PCDHGB4: variants seen among roughly 807,000 people sequenced by gnomAD.
The protein encoded by PCDHGB4 is protocadherin gamma-B4.
In PCDHGB4, 38 loss-of-function variants were observed where a neutral mutation model predicts 60.5. The observed-to-expected ratio is 0.63, with a 90% CI of 0.48 to 0.82. PCDHGB4 has a LOEUF of 0.82. Ranked by LOEUF, PCDHGB4 falls within the 40% of genes least tolerant of loss-of-function variation. PCDHGB4 has a pLI of 0.00. For missense variants in PCDHGB4, 1,109 were observed against 1,209.6 expected (o/e 0.92, Z 1.23); for synonymous variants, 456 against 509.7 (o/e 0.89, Z 1.42).
chr5:141,499,551 A>T (rs1178321389), intron 2 of PCDHGB4, among the ~76,000 whole-genome samples: 1 of 152,200 alleles, frequency 6.6e-6, no homozygotes, highest in Non-Finnish European at 1.5e-5. Flanking sequence ...AACCTGTATG[A>T]TACCACTATC....
At chr5:141,422,926 GC>G in intron 1 of PCDHGB4, 1 of 1,614,230 alleles carries the variant, frequency 6.2e-7, no homozygotes, top group Non-Finnish European at 8.5e-7. Flanking sequence ...CCTGTACCCT[GC>G]CCTCCCCACA....
chr5:141,402,785 CG>C, intron 1 of PCDHGB4: 1 of 904,572 alleles, frequency 1.1e-6, no homozygotes, highest in South Asian at 2.1e-5. Context: ...TCCAGTTCTG[CG>C]GCTACACAAA....
chr5:141,509,577 C>G (rs569743928), intron 3 of PCDHGB4, among the ~76,000 whole-genome samples: 2 of 152,320 alleles, frequency 1.3e-5, no homozygotes, highest in African/African-American at 2.4e-5. Context: ...ACAGTGCGTA[C>G]AAATCAGCTG....
chr5:141,393,881 G>A (rs1003319572), intron 1 of PCDHGB4: 33 of 1,613,978 alleles, frequency 2.0e-5, no homozygotes, highest in Non-Finnish European at 2.8e-5. Context: ...TTAGCCCAGT[G>A]TTAGAAAATT....
intron 1 of PCDHGB4, chr5:141,394,839 G>A (rs1190397731): frequency 6.2e-7 from 1 of 1,613,834 alleles, no homozygotes; most frequent in Non-Finnish European, 8.5e-7. Context: ...GACCGAGTTG[G>A]GCAGTCTGAA....
At chr5:141,420,634 G>A (rs891111955) in intron 1 of PCDHGB4, among the ~76,000 whole-genome samples, 2 of 152,080 alleles carry the variant, frequency 1.3e-5, no homozygotes, top group African/African-American at 4.8e-5. Context: ...CTCAATAAAG[G>A]AACCTTGTAA....
intron 1 of PCDHGB4, chr5:141,393,878 A>C: frequency 1.9e-6 from 3 of 1,614,022 alleles, no homozygotes; most frequent in Non-Finnish European, 2.5e-6. Context: ...TGTTTAGCCC[A>C]GTGTTAGAAA....
chr5:141,455,533 T>C (rs1232689740), intron 1 of PCDHGB4, among the ~76,000 whole-genome samples: 1 of 152,134 alleles, frequency 6.6e-6, no homozygotes, highest in African/African-American at 2.4e-5. Flanking sequence ...TGACCAGGCA[T>C]ATCATTCACG....
intron 1 of PCDHGB4, among the ~76,000 whole-genome samples, chr5:141,437,811 C>A (rs964885701): frequency 6.6e-6 from 1 of 150,864 alleles, no homozygotes; most frequent in African/African-American, 2.4e-5. Flanking sequence ...TATCTTGGCT[C>A]ACTGCAACCT....
At position 141,414,719 on chromosome 5, in the gene PCDHGB4, C is replaced by T. The variant is rs1361757630; in HGVS notation, c.2397+24438C>T. On this transcript the variant is annotated intron_variant, in intron 1 of 3. Transcript: ENST00000519479. ...TCATACATATCCATCAACTCAGACA[C>T]TGGCGTCCTGTATGCACTCAGATCC... The T allele has an allele frequency of 1.2e-6, 2 of 1,614,050 alleles. No individual in the cohort carries two copies. Among genetic ancestry groups the T allele is most frequent in the African/African-American group, 1.3e-5 (1 of 74,934 alleles).
rs1258752203 is a variant in PCDHGB4, at chr5:141,431,160, G to C, written c.2397+40879G>C. On this transcript the variant is annotated intron_variant, in intron 1 of 3. Coordinates refer to ENST00000519479, the MANE Select transcript of PCDHGB4 (RefSeq NM_003736.4). The surrounding 1 kb of genome is among the most constrained non-coding windows in gnomAD (Gnocchi z 4.8). ...ATTAACGACAATGCGCCTTACTTTC[G>C]TGAAAGTGAATTAGAAATAAAAATT... is the stretch of plus-strand genomic sequence containing the variant. The C allele has an allele frequency of 6.2e-7, 1 of 1,614,198 alleles. No homozygotes were observed. Among genetic ancestry groups the C allele is most frequent in the South Asian group, 1.1e-5 (1 of 91,084 alleles).
At chr5:141,467,932 TA>T (rs1391978978) in intron 1 of PCDHGB4, among the ~76,000 whole-genome samples, 4 of 152,186 alleles carry the variant, frequency 2.6e-5, no homozygotes, top group Non-Finnish European at 4.4e-5. Flanking sequence ...ATGCTAGGAT[TA>T]CAAGCATGAG....
At chr5:141,423,702 C>T in intron 1 of PCDHGB4, 4 of 1,340,970 alleles carry the variant, frequency 3.0e-6, no homozygotes, top group South Asian at 1.6e-5. Flanking sequence ...GGTGTCTTGG[C>T]ACAAGTCTTT....
chr5:141,420,238 T>C, intron 1 of PCDHGB4: 2 of 1,594,838 alleles, frequency 1.3e-6, no homozygotes, highest in South Asian at 1.1e-5. Context: ...GCATTTTAAC[T>C]CCCAGCGTTG....
rs1186240180 is a variant in PCDHGB4, at chr5:141,432,270, A to T, written c.2397+41989A>T. On this transcript the variant is annotated intron_variant, in intron 1 of 3. Transcript: ENST00000519479. The surrounding 1 kb of genome is among the most constrained non-coding windows in gnomAD (Gnocchi z 6.0). ...ATCCAAGGGGCAAGCCTATCGTCCT[A>T]CGTGTCCATCAACTCCGACACTGGG... 1 of 1,614,024 alleles carries T rather than the reference A, an allele frequency of 6.2e-7. No homozygotes were observed. The highest frequency in any genetic ancestry group is 8.5e-7 in the Non-Finnish European group (1 of 1,180,028).
chr5:141,422,775 T>G (rs1179216247), intron 1 of PCDHGB4: 1 of 1,614,046 alleles, frequency 6.2e-7, no homozygotes, highest in Non-Finnish European at 8.5e-7. Context: ...GTGTTCTCTA[T>G]GCCCTACAAT....
chr5:141,403,161 G>A (rs1435695987), intron 1 of PCDHGB4: 12 of 1,614,026 alleles, frequency 7.4e-6, no homozygotes, highest in Non-Finnish European at 1.0e-5. Context: ...GTCTCTAGAG[G>A]TAGGACGCAG....
rs1257565821 is a variant in PCDHGB4, at chr5:141,487,319, C to G, written c.2398-7488C>G. ...ATTCGTGGCACTACTCTCTAAGTGTCTTCGTGGGGCAGCCTGTGGAGTCAC... is the reference window on the plus strand; with the variant it reads ...ATTCGTGGCACTACTCTCTAAGTGTGTTCGTGGGGCAGCCTGTGGAGTCAC... On this transcript the variant is annotated intron_variant, in intron 1 of 3. Transcript: ENST00000519479. The surrounding 1 kb of genome is among the most constrained non-coding windows in gnomAD (Gnocchi z 5.0). The G allele has an allele frequency of 6.2e-7, 1 of 1,614,052 alleles. No homozygotes were observed. The highest frequency in any genetic ancestry group is 1.3e-5 in the African/African-American group (1 of 74,930).
chr5:141,412,952 T>C, intron 1 of PCDHGB4: 1 of 482,218 alleles, frequency 2.1e-6, no homozygotes, highest in Non-Finnish European at 3.6e-6. Context: ...AGCGCCGCTG[T>C]TCACCTACTA....
Sources: allele counts gnomAD v4.1 joint callset (sites outside exome capture counted in the v4.1 genomes callset), GRCh38; gene constraint gnomAD v4.1.1; non-coding constraint Gnocchi (gnomAD v3.1); transcripts MANE v1.5; gene names NCBI Gene and HGNC (gene_info 2026-07-23, HGNC 2026-07-21).